RBM22: variants seen among roughly 807,000 people sequenced by gnomAD.
The protein encoded by RBM22 is pre-mRNA-splicing factor RBM22.
Under a neutral mutation model 50.1 loss-of-function variants are expected in RBM22, and 1 was observed. The ratio of observed to expected loss-of-function variants is 0.02; its 90% CI spans 0.01 to 0.09. The LOEUF (loss-of-function observed/expected upper bound fraction) is 0.09, where lower values mean the gene tolerates loss of function less well. Among genes scored for constraint, RBM22 ranks in the 10% least tolerant of loss-of-function variants. The pLI is 1.00. For missense variants in RBM22, 264 were observed against 529.3 expected, an observed-to-expected ratio of 0.50 and a Z score of 4.92; for synonymous variants, 152 against 179.0, an observed-to-expected ratio of 0.85 and a Z score of 1.20.
intron 3 of RBM22, 132 bp from the exon 4 acceptor site, chr5:150,698,763 G>C: frequency 8.4e-7 from 1 of 1,187,884 alleles, no homozygotes; most frequent in Non-Finnish European, 1.1e-6. Flanking sequence ...CAATCATCTA[G>C]TTGATTTGAT....
At chr5:150,691,916 T>C in intron 10 of RBM22, 35 bp from the exon 11 acceptor site, 1 of 1,477,206 alleles carries the variant, frequency 6.8e-7, no homozygotes. Flanking sequence ...GTTAGGCTGG[T>C]AGTTTCCTTG....
intron 2 of RBM22, among the ~76,000 whole-genome samples, chr5:150,700,164 A>G (rs1476805200): frequency 6.6e-6 from 1 of 152,152 alleles, no homozygotes; most frequent in East Asian, 1.9e-4. Context: ...ATTCCTTACT[A>G]TTGTATGAAA....
chr5:150,700,650 G>A, intron 1 of RBM22, 153 bp from the exon 2 acceptor site: 4 of 1,530,210 alleles, frequency 2.6e-6, no homozygotes, highest in South Asian at 2.4e-5. Flanking sequence ...GGGAGGGGGC[G>A]CTGTCTGCAC....
chr5:150,697,254 T>G lies in RBM22; in HGVS notation c.272-363A>C, dbSNP rs573362416. Among the ~76,000 whole-genome samples the G allele has an allele frequency of 7.8e-4, 118 of 152,200 alleles. 1 individual carries two copies. Among genetic ancestry groups the G allele is most frequent in the African/African-American group, 2.6e-3 (110 of 41,538 alleles). ...CTGGTCAACGTGGTGAAACCCCATT[T>G]CTACAAAAAATACAAAAATTAGCTG... On this transcript the variant is annotated intron_variant, in intron 4 of 10. Coordinates refer to ENST00000199814, the MANE Select transcript of RBM22 (RefSeq NM_018047.3).
chr5:150,693,044 G>A lies in RBM22; in HGVS notation c.1001-18C>T, dbSNP rs1490427477. 3 of 1,598,806 alleles carry A rather than the reference G, an allele frequency of 1.9e-6. No homozygotes were observed. The highest frequency in any genetic ancestry group is 2.6e-6 in the Non-Finnish European group (3 of 1,173,448). The stretch of plus-strand genomic sequence containing the variant: ...AGGAAGAGCTGGAGGAGAGAAAATA[G>A]TCAACACATAGAGGGGAGAACAATT... On this transcript the variant is annotated intron_variant, in intron 9 of 10. Coordinates refer to ENST00000199814, the MANE Select transcript of RBM22 (RefSeq NM_018047.3).
chr5:150,700,713 C>T (rs1325792412), intron 1 of RBM22: 2 of 1,533,386 alleles, frequency 1.3e-6, no homozygotes, highest in East Asian at 4.9e-5. Flanking sequence ...CTGGAGGGGG[C>T]AGGGATGGAA....
chr5:150,696,415 A>G lies in RBM22; in HGVS notation c.545+118T>C. On this transcript the variant is annotated intron_variant, in intron 6 of 10. Coordinates refer to ENST00000199814, the MANE Select transcript of RBM22 (RefSeq NM_018047.3). This position sits in a 1 kb window ranked among gnomAD's most constrained non-coding sequence, Gnocchi z 4.3. ...TTCATAGTTCTAAGACATGAGGTAT[A>G]CCACATTAGTTGTATGACCTTTAGA... 2 of 1,115,228 alleles carry G rather than the reference A, an allele frequency of 1.8e-6. No individual in the cohort carries two copies. The highest frequency in any genetic ancestry group is 2.6e-6 in the Non-Finnish European group (2 of 779,470). The allele number at this position is 1,115,228 out of a possible 1,614,324, so 69.1% of individuals were successfully genotyped here. A position where few individuals can be genotyped will look rare whatever the true frequency, so the allele number is the denominator to read the frequency against.
intron 10 of RBM22, 52 bp from the exon 11 acceptor site, chr5:150,691,933 T>G: frequency 1.4e-6 from 2 of 1,434,286 alleles, no homozygotes; most frequent in South Asian, 3.4e-5. Context: ...CTTGATAACC[T>G]TTCAAACCTC....
intron 2 of RBM22, among the ~76,000 whole-genome samples, chr5:150,699,540 T>C (rs1759318135): frequency 6.6e-6 from 1 of 152,222 alleles, no homozygotes; most frequent in Admixed American, 6.5e-5. Context: ...ATCCCAACAC[T>C]TTGAGAGGCC....
At position 150,693,321 on chromosome 5, in the gene RBM22, A is replaced by T. The variant is rs1385883328; in HGVS notation, c.912-14T>A. ...GCTGCCTGGGATCTGGGAAACACAC[A>T]TGCATACAGTCGGCACTCTGGCCCA... On this transcript the variant is annotated splice_polypyrimidine_tract_variant and intron_variant, in intron 8 of 10. Transcript: ENST00000199814. 3.1e-6 allele frequency: 5 copies of T among 1,603,464 alleles called. No homozygotes were observed. The highest frequency in any genetic ancestry group is 4.3e-6 in the Non-Finnish European group (5 of 1,172,302).
intron 6 of RBM22, 134 bp from the exon 7 acceptor site, chr5:150,695,840 T>C (rs1759269735): frequency 2.9e-6 from 2 of 699,082 alleles, no homozygotes; most frequent in African/African-American, 3.6e-5. Flanking sequence ...CTATGGTTTC[T>C]ACCAAAATAT....
intron 2 of RBM22, 131 bp from the exon 3 acceptor site, chr5:150,699,402 A>G (rs1462152935): frequency 7.8e-7 from 1 of 1,285,678 alleles, no homozygotes; most frequent in Non-Finnish European, 1.0e-6. Context: ...GAAAAACAGC[A>G]ACAACAAAAC....
rs776878406 is a variant in RBM22, at chr5:150,696,240, T to G, written c.545+293A>C. 9.9e-5 allele frequency among the ~76,000 whole-genome samples: 15 copies of G among 152,106 alleles called. No individual in the cohort carries two copies. The highest frequency in any genetic ancestry group is 4.4e-5 in the Non-Finnish European group (3 of 68,018). ...CCTTACTTTGACTTCAACTATACAT[T>G]GAGAGTCAACTCATTTAAACCATGG... On this transcript the variant is annotated intron_variant, in intron 6 of 10. Transcript: ENST00000199814. This position sits in a 1 kb window ranked among gnomAD's most constrained non-coding sequence, Gnocchi z 4.3.
intron 4 of RBM22, 135 bp from the exon 5 acceptor site, chr5:150,697,026 C>A: frequency 1.2e-6 from 1 of 838,596 alleles, no homozygotes; most frequent in Non-Finnish European, 1.9e-6. Flanking sequence ...TGTTTTTATT[C>A]AAACTCTTTA....
Position 150,691,841 on chromosome 5 carries a change from A to T in RBM22, c.1173T>A (p.Pro391=). The T allele has an allele frequency of 6.2e-7, 1 of 1,600,824 alleles. No homozygotes were observed. Among genetic ancestry groups the T allele is most frequent in the Non-Finnish European group, 8.5e-7 (1 of 1,173,666 alleles). The change falls in exon 11 of 11, where the codon CCT becomes CCA. Residue 391 remains proline, a synonymous_variant. Transcript: ENST00000199814. ...PHMFHPMGPP[P]PFMRAPGPIH... is the part of the protein sequence containing the mutation. Reference sequence around the variant, plus strand: ...TTGGTCCTGGAGCCCGCATGAAAGGAGGGGGTGGTCCCATTGGGTGGAACA... The same window carrying T: ...TTGGTCCTGGAGCCCGCATGAAAGGTGGGGGTGGTCCCATTGGGTGGAACA...
Position 150,698,635 on chromosome 5 carries a change from G to C in RBM22, c.139-4C>G. ...CTGTGAATGGCCTGGCACAGATCTG[G>C]AACACAAAGCAAGAGCCATAGAATG... is the stretch of plus-strand genomic sequence containing the variant. On this transcript the variant is annotated splice_polypyrimidine_tract_variant and splice_region_variant and intron_variant, in intron 3 of 10. Transcript: ENST00000199814. 6.2e-7 allele frequency: 1 copy of C among 1,613,712 alleles called. No individual in the cohort carries two copies. The highest frequency in any genetic ancestry group is 8.5e-7 in the Non-Finnish European group (1 of 1,179,972).
chr5:150,696,943 A>T lies in RBM22; in HGVS notation c.272-52T>A, dbSNP rs1759283633. On this transcript the variant is annotated intron_variant, in intron 4 of 10. Transcript: ENST00000199814. The surrounding 1 kb of genome is among the most constrained non-coding windows in gnomAD (Gnocchi z 4.3). ...CTCAGATGTATTTTAAAACATATCC[A>T]TACTAACCATGCACACAGAATACAT... 6.6e-7 allele frequency: 1 copy of T among 1,506,418 alleles called. No homozygotes were observed. The highest frequency in any genetic ancestry group is 9.2e-7 in the Non-Finnish European group (1 of 1,084,076). 93.3% of individuals were successfully genotyped at this position (1,506,418 alleles called of 1,614,324 possible).
intron 4 of RBM22, among the ~76,000 whole-genome samples, 177 bp downstream of exon 4, chr5:150,698,322 T>C (rs1039504847): frequency 4.6e-5 from 7 of 152,150 alleles, no homozygotes; most frequent in African/African-American, 1.7e-4. Flanking sequence ...GTTCCTACTA[T>C]TGTTCAGGAC....
At chr5:150,698,464 C>A in intron 4 of RBM22, 35 bp downstream of exon 4, 2 of 1,606,528 alleles carry the variant, frequency 1.2e-6, no homozygotes, top group Non-Finnish European at 1.7e-6. Flanking sequence ...TAGGCACCTG[C>A]ACACTTTCAG....
Sources: allele counts gnomAD v4.1 joint callset (sites outside exome capture counted in the v4.1 genomes callset), GRCh38; gene constraint gnomAD v4.1.1; non-coding constraint Gnocchi (gnomAD v3.1); transcripts MANE v1.5; gene names NCBI Gene and HGNC (gene_info 2026-07-23, HGNC 2026-07-21).